Variants in ASIC2 observed in about 807,000 individuals in gnomAD.
The protein encoded by ASIC2 is acid sensing ion channel subunit 2.
In ASIC2, 25 loss-of-function variants were observed where a neutral mutation model predicts 57.3. The ratio of observed to expected loss-of-function variants is 0.44; its 90% CI spans 0.32 to 0.61. The LOEUF is 0.61. Among genes scored for constraint, ASIC2 ranks in the 20% least tolerant of loss-of-function variants. The pLI is 0.06. For synonymous variants in ASIC2, 319 were observed against 307.5 expected, an observed-to-expected ratio of 1.04 and a Z score of -0.39; for missense variants, 641 against 738.1, an observed-to-expected ratio of 0.87 and a Z score of 1.52.
chr17:33,859,920 A>C (rs1214961184), intron 1 of ASIC2, among the ~76,000 whole-genome samples: 1 of 152,198 alleles, frequency 6.6e-6, no homozygotes, highest in East Asian at 1.9e-4. Flanking sequence ...TCTGTGTTCA[A>C]GCAGTCCTTC....
chr17:33,804,521 C>G (rs1457754473), intron 1 of ASIC2, among the ~76,000 whole-genome samples: 1 of 152,174 alleles, frequency 6.6e-6, no homozygotes, highest in Admixed American at 6.5e-5. Context: ...GAGGTTAAAG[C>G]AAAAGTCTCC....
chr17:33,864,032 T>G (rs1035343302), intron 1 of ASIC2, among the ~76,000 whole-genome samples: 29 of 152,004 alleles, frequency 1.9e-4, no homozygotes, highest in African/African-American at 6.0e-4. Flanking sequence ...GCCTACTGAG[T>G]AGCTGGGATT....
chr17:33,853,932 TC>T (rs1913844102), intron 1 of ASIC2, among the ~76,000 whole-genome samples: 1 of 152,176 alleles, frequency 6.6e-6, no homozygotes, highest in African/African-American at 2.4e-5. Flanking sequence ...TCTCTAAACT[TC>T]CCTTGCAGGT....
At chr17:33,116,817 T>C (rs1167643172) in intron 1 of ASIC2, among the ~76,000 whole-genome samples, 7 of 152,138 alleles carry the variant, frequency 4.6e-5, no homozygotes, top group Non-Finnish European at 1.0e-4. Flanking sequence ...TTCTACTTTG[T>C]GCTGACCCCA....
intron 1 of ASIC2, among the ~76,000 whole-genome samples, chr17:33,898,143 C>T (rs1308770580): frequency 7.0e-6 from 1 of 143,870 alleles, no homozygotes; most frequent in African/African-American, 2.6e-5. Context: ...TTCTTTCTTT[C>T]TTATTTTTAC....
intron 1 of ASIC2, among the ~76,000 whole-genome samples, chr17:33,387,042 C>G (rs574829045): frequency 1.8e-4 from 27 of 152,152 alleles, no homozygotes; most frequent in Non-Finnish European, 3.5e-4. Context: ...CCCCTGCCAC[C>G]AAGCCCGGCT....
At chr17:33,424,845 G>A (rs567166611) in intron 1 of ASIC2, among the ~76,000 whole-genome samples, 3 of 152,078 alleles carry the variant, frequency 2.0e-5, no homozygotes, top group Non-Finnish European at 4.4e-5. Flanking sequence ...TCTCCTAGGG[G>A]CGGGCCAGGA....
chr17:33,552,915 G>A (rs1459993664), intron 1 of ASIC2, among the ~76,000 whole-genome samples: 2 of 152,212 alleles, frequency 1.3e-5, no homozygotes, highest in Non-Finnish European at 1.5e-5. Flanking sequence ...GCACCGCCCT[G>A]GAGCTGGGAG....
intron 1 of ASIC2, among the ~76,000 whole-genome samples, chr17:33,551,234 G>A (rs993609902): frequency 1.3e-5 from 2 of 152,162 alleles, no homozygotes; most frequent in Non-Finnish European, 2.9e-5. Flanking sequence ...ATGTTATCTA[G>A]GGAATATTTT....
intron 1 of ASIC2, among the ~76,000 whole-genome samples, chr17:33,407,129 G>A (rs1349521774): frequency 1.3e-5 from 2 of 152,192 alleles, no homozygotes; most frequent in Non-Finnish European, 2.9e-5. Context: ...TAGCAGGTGG[G>A]AGGAAAAGAG....
At chr17:33,656,638 G>C (rs1053398978) in intron 1 of ASIC2, among the ~76,000 whole-genome samples, 1 of 152,124 alleles carries the variant, frequency 6.6e-6, no homozygotes, top group South Asian at 2.1e-4. Flanking sequence ...TCTCATTTTA[G>C]AGGTCTTTTC....
At chr17:33,140,062 A>C (rs1015196584) in intron 1 of ASIC2, among the ~76,000 whole-genome samples, 1 of 152,172 alleles carries the variant, frequency 6.6e-6, no homozygotes, top group Non-Finnish European at 1.5e-5. Flanking sequence ...CTACCTGGGG[A>C]TAGTAAGAAG....
chr17:33,174,852 C>A (rs1050322826), intron 1 of ASIC2, among the ~76,000 whole-genome samples: 1 of 152,120 alleles, frequency 6.6e-6, no homozygotes, highest in Non-Finnish European at 1.5e-5. Context: ...TTGTATTAAG[C>A]CACTGAGATT....
At chr17:33,563,157 T>C (rs1916128492) in intron 1 of ASIC2, among the ~76,000 whole-genome samples, 1 of 152,158 alleles carries the variant, frequency 6.6e-6, no homozygotes, top group Admixed American at 6.5e-5. Context: ...CTACTTAAAA[T>C]GATGAGGCTT....
intron 1 of ASIC2, among the ~76,000 whole-genome samples, chr17:33,818,256 C>T (rs561193815): frequency 1.6e-4 from 25 of 152,326 alleles, no homozygotes; most frequent in African/African-American, 6.0e-4. Context: ...TAAGAATACT[C>T]TATTGTAAAA....
At chr17:34,067,422 A>G (rs2214448) in intron 1 of ASIC2, among the ~76,000 whole-genome samples, 102,658 of 152,052 alleles carry the variant, frequency 0.68, 35,605 homozygotes, top group Middle Eastern at 0.78. Flanking sequence ...CTGACAAATG[A>G]TTTGGATCAG....
chr17:33,966,769 GCTTCA>G (rs1320873961), intron 1 of ASIC2, among the ~76,000 whole-genome samples: 2 of 152,202 alleles, frequency 1.3e-5, no homozygotes, highest in African/African-American at 4.8e-5. Flanking sequence ...AAAGCTCTCA[GCTTCA>G]CTTGCTAATT....
Position 33,939,449 on chromosome 17 carries a change from G to A in ASIC2, c.555+216529C>T, listed in dbSNP as rs116991483. Among the ~76,000 whole-genome samples, 28 of 152,322 alleles carry A rather than the reference G, an allele frequency of 1.8e-4. No homozygotes were observed. The East Asian group carries it at 4.8e-3, about 26-fold the overall frequency. ...GAGAGCTGAAGTTCAGAGAAGGGAA[G>A]AGGCTATCTAAGGTCACAAAGCATG... On this transcript the variant is annotated intron_variant, in intron 1 of 9. Transcript: ENST00000359872.
intron 1 of ASIC2, among the ~76,000 whole-genome samples, chr17:33,848,537 C>T (rs980564934): frequency 6.6e-6 from 1 of 152,164 alleles, no homozygotes; most frequent in Non-Finnish European, 1.5e-5. Context: ...CTCTCATGCC[C>T]TTAGGGACTC....
Sources: allele counts gnomAD v4.1 joint callset (sites outside exome capture counted in the v4.1 genomes callset), GRCh38; gene constraint gnomAD v4.1.1; transcripts MANE v1.5; gene names NCBI Gene and HGNC (gene_info 2026-07-23, HGNC 2026-07-21).